The following TENM3 variants were observed in gnomAD, a reference collection of about 807,000 sequenced individuals.
TENM3 encodes the protein teneurin-3.
In TENM3, 63 loss-of-function variants were observed where a neutral mutation model predicts 255.1. The ratio of observed to expected loss-of-function variants is 0.25; its 90% CI spans 0.20 to 0.30. The LOEUF (loss-of-function observed/expected upper bound fraction) is 0.30, where lower values mean the gene tolerates loss of function less well. Ranked by LOEUF, TENM3 falls within the 10% of genes least tolerant of loss-of-function variation. TENM3 has a pLI of 1.00. For missense variants in TENM3, 2,929 were observed against 3,461.1 expected (o/e 0.85, Z 3.86); for synonymous variants, 1,306 against 1,322.3 (o/e 0.99, Z 0.27).
chr4:181,753,346 G>A, the TENM3 span, among the ~76,000 whole-genome samples: 7 of 151,960 alleles, frequency 4.6e-5, no homozygotes, highest in Non-Finnish European at 7.4e-5. Flanking sequence ...GGCAACCTAT[G>A]CCATTGAATC....
At chr4:181,965,995 T>C in the TENM3 span, among the ~76,000 whole-genome samples, 1 of 152,228 alleles carries the variant, frequency 6.6e-6, no homozygotes, top group Non-Finnish European at 1.5e-5. Context: ...CTAGAGCCAT[T>C]ATTCCATTAG....
At chr4:182,298,984 C>CAAAAAAAAAAAAAAATAAAA (rs1761673022) in intron 1 of TENM3, among the ~76,000 whole-genome samples, 1 of 25,554 alleles carries the variant, frequency 3.9e-5, no homozygotes, top group Non-Finnish European at 6.9e-5. Flanking sequence ...GACTCCTTCT[C>CAAAAAAAAAAAAAAATAAAA]AAAAAAAAAA....
intron 19 of TENM3, among the ~76,000 whole-genome samples, chr4:182,750,739 AAG>A (rs972935060): frequency 1.3e-5 from 2 of 152,086 alleles, no homozygotes; most frequent in African/African-American, 4.8e-5. Context: ...GAGGGAGAGG[AAG>A]AGAGGGAATG....
chr4:182,311,985 C>A (rs900809314), intron 1 of TENM3, among the ~76,000 whole-genome samples: 1 of 152,146 alleles, frequency 6.6e-6, no homozygotes. Context: ...CAAGTCTTAC[C>A]GTTTGGCAAC....
intron 1 of TENM3, among the ~76,000 whole-genome samples, chr4:182,181,885 T>G (rs1458849827): frequency 2.7e-5 from 4 of 146,760 alleles, no homozygotes; most frequent in Non-Finnish European, 6.0e-5. Context: ...TTCTGGCTAA[T>G]GTCCTGTTTT....
At chr4:181,753,562 C>T in the TENM3 span, among the ~76,000 whole-genome samples, 12 of 151,374 alleles carry the variant, frequency 7.9e-5, no homozygotes, top group South Asian at 2.1e-4. Context: ...ATCTTGAGTT[C>T]GGTATATAAA....
At chr4:181,719,676 CAT>C in the TENM3 span, among the ~76,000 whole-genome samples, 7 of 152,312 alleles carry the variant, frequency 4.6e-5, no homozygotes, top group East Asian at 1.2e-3. Flanking sequence ...AAGGTTAAAA[CAT>C]ATGAATTTGG....
intron 22 of TENM3, among the ~76,000 whole-genome samples, chr4:182,759,226 G>T (rs546560179): frequency 1.9e-4 from 29 of 152,132 alleles, no homozygotes; most frequent in Non-Finnish European, 3.8e-4. Context: ...CATTATCTTT[G>T]TGGCTCCCAC....
chr4:182,051,068 G>GAAC, the TENM3 span, among the ~76,000 whole-genome samples: 131 of 152,086 alleles, frequency 8.6e-4, no homozygotes, highest in African/African-American at 3.2e-3. Context: ...TGAAGTCTGG[G>GAAC]CATGGTGGCT....
At chr4:181,798,933 T>G in the TENM3 span, among the ~76,000 whole-genome samples, 1 of 152,212 alleles carries the variant, frequency 6.6e-6, no homozygotes, top group Non-Finnish European at 1.5e-5. Context: ...CTTTCTAAAT[T>G]GTAAGAACCA....
At chr4:181,927,731 G>A in the TENM3 span, among the ~76,000 whole-genome samples, 2 of 152,228 alleles carry the variant, frequency 1.3e-5, no homozygotes, top group Admixed American at 1.3e-4. Context: ...ATAACTGGGA[G>A]ACACCTCCCA....
chr4:181,982,246 T>C, the TENM3 span, among the ~76,000 whole-genome samples: 2 of 152,024 alleles, frequency 1.3e-5, no homozygotes, highest in East Asian at 1.9e-4. Flanking sequence ...TGAGCCAAAA[T>C]GACAAAAAGA....
chr4:182,792,782 C>T lies in TENM3; in HGVS notation c.6110C>T (p.Thr2037Met), dbSNP rs377755577. Residue 2037 changes from threonine to methionine, a missense_variant, in exon 26 of 28, where the codon ACG becomes ATG. Thr to Met is a moderately conservative substitution (Grantham distance 81). Transcript: ENST00000511685. The surrounding 1 kb of genome is among the most constrained non-coding windows in gnomAD (Gnocchi z 6.3). ...VTSMQGVINE[T>M]PLPIDLYQFD... ...AGCATGCAGGGTGTGATCAATGAAACGCCACTGCCTATTGATCTGTATCAG... is the reference window on the plus strand; with the variant it reads ...AGCATGCAGGGTGTGATCAATGAAATGCCACTGCCTATTGATCTGTATCAG... The T allele has an allele frequency of 1.2e-5, 20 of 1,613,792 alleles. No individual in the cohort carries two copies. Among genetic ancestry groups the T allele is most frequent in the East Asian group, 2.2e-5 (1 of 44,892 alleles).
chr4:182,612,316 C>T (rs532411084), intron 4 of TENM3, among the ~76,000 whole-genome samples: 75 of 151,636 alleles, frequency 4.9e-4, no homozygotes, highest in African/African-American at 1.7e-3. Context: ...CAACTCATCG[C>T]GAAACATTGT....
the TENM3 span, among the ~76,000 whole-genome samples, chr4:182,132,993 G>A: frequency 6.6e-6 from 1 of 152,188 alleles, no homozygotes; most frequent in South Asian, 2.1e-4. Flanking sequence ...TGGGCACGTT[G>A]TCTGCAAGAA....
the TENM3 span, among the ~76,000 whole-genome samples, chr4:182,087,890 A>G: frequency 1.3e-5 from 2 of 152,220 alleles, no homozygotes; most frequent in Admixed American, 6.5e-5. Context: ...TACATCAGAA[A>G]GAACTTGAGG....
At chr4:182,484,749 T>C (rs1366421456) in intron 3 of TENM3, among the ~76,000 whole-genome samples, 5 of 152,168 alleles carry the variant, frequency 3.3e-5, no homozygotes, top group African/African-American at 1.2e-4. Flanking sequence ...TTACTGATAA[T>C]TGTGTGATTT....
intron 3 of TENM3, among the ~76,000 whole-genome samples, chr4:182,586,017 G>T (rs1745986916): frequency 6.6e-6 from 1 of 152,234 alleles, no homozygotes. Flanking sequence ...GCTTTGGGAG[G>T]CCAAGGTGGG....
intron 3 of TENM3, among the ~76,000 whole-genome samples, chr4:182,382,311 T>C (rs1238178781): frequency 1.3e-5 from 2 of 152,136 alleles, no homozygotes; most frequent in South Asian, 2.1e-4. Flanking sequence ...TTAAACTAGA[T>C]GGCTGATTCA....
Sources: allele counts gnomAD v4.1 joint callset (sites outside exome capture counted in the v4.1 genomes callset), GRCh38; gene constraint gnomAD v4.1.1; non-coding constraint Gnocchi (gnomAD v3.1); transcripts MANE v1.5; gene names NCBI Gene and HGNC (gene_info 2026-07-23, HGNC 2026-07-21).